Variants in EPS15 observed in about 807,000 individuals in gnomAD.
The protein encoded by EPS15 is epidermal growth factor receptor substrate 15.
Under a neutral mutation model 113.8 loss-of-function variants are expected in EPS15, and 72 were observed. The ratio of observed to expected loss-of-function variants is 0.63; its 90% CI spans 0.52 to 0.77. The LOEUF (loss-of-function observed/expected upper bound fraction) is 0.77. EPS15 is among the 30% of genes least tolerant of loss of function. The pLI, the probability that EPS15 is intolerant of heterozygous loss-of-function variation, is 0.00. For missense variants in EPS15, 1,048 were observed against 1,045.8 expected, an observed-to-expected ratio of 1.00 and a Z score of -0.03; for synonymous variants, 344 against 363.4, an observed-to-expected ratio of 0.95 and a Z score of 0.61.
At chr1:51,517,588 A>T (rs1570470461) in intron 1 of EPS15, among the ~76,000 whole-genome samples, 2 of 152,348 alleles carry the variant, frequency 1.3e-5, no homozygotes, top group Admixed American at 1.3e-4. Flanking sequence ...GCCAACAGGG[A>T]TCTTGTTTAA....
intron 12 of EPS15, among the ~76,000 whole-genome samples, chr1:51,426,584 G>A (rs546722352): frequency 6.6e-6 from 1 of 151,040 alleles, no homozygotes; most frequent in East Asian, 1.9e-4. Context: ...CATTTAAATC[G>A]GTAGGCTTGA....
chr1:51,381,349 T>C (rs567701147), intron 21 of EPS15, among the ~76,000 whole-genome samples: 2 of 152,250 alleles, frequency 1.3e-5, no homozygotes, highest in South Asian at 2.1e-4. Flanking sequence ...TCCCAACACT[T>C]TGGGAGGCCG....
intron 1 of EPS15, among the ~76,000 whole-genome samples, chr1:51,513,598 C>T (rs1644664410): frequency 6.6e-6 from 1 of 152,158 alleles, no homozygotes; most frequent in African/African-American, 2.4e-5. Flanking sequence ...GAAGACTTCA[C>T]TAGCATTGTA....
intron 5 of EPS15, 90 bp downstream of exon 5, chr1:51,468,383 T>C: frequency 1.0e-6 from 1 of 962,166 alleles, no homozygotes; most frequent in Admixed American, 1.9e-5. Context: ...AAAGGGAGAA[T>C]TCCTTTTAAT....
Position 51,445,002 on chromosome 1 carries a change from G to A in EPS15, c.841C>T (p.Gln281Ter). 6.2e-7 allele frequency: 1 copy of A among 1,613,934 alleles called. No homozygotes were observed. The highest frequency in any genetic ancestry group is 8.5e-7 in the Non-Finnish European group (1 of 1,179,888). Residue 281 changes from glutamine to a stop codon, truncating the protein, a stop_gained, in exon 11 of 25, where the codon CAG (glutamine) becomes TAG (stop). Coordinates refer to ENST00000371733, the MANE Select transcript of EPS15 (RefSeq NM_001981.3). LOFTEE classifies it high-confidence loss of function. ...TKDCGKLSKD[Q>*]FALAFHLISQ... ...ATTAAGTGAAAAGCCAAGGCAAACTGATCCTTTGAAAGCTTCCCACAGTCC... is the reference window on the plus strand; with the variant it reads ...ATTAAGTGAAAAGCCAAGGCAAACTAATCCTTTGAAAGCTTCCCACAGTCC...
intron 1 of EPS15, among the ~76,000 whole-genome samples, chr1:51,508,447 C>A (rs1265809758): frequency 6.6e-6 from 1 of 151,986 alleles, no homozygotes; most frequent in African/African-American, 2.4e-5. Flanking sequence ...ACAAGCAATT[C>A]TATTTATCAA....
intron 14 of EPS15, among the ~76,000 whole-genome samples, chr1:51,409,093 A>G (rs1399633398): frequency 6.6e-6 from 1 of 151,870 alleles, no homozygotes; most frequent in Non-Finnish European, 1.5e-5. Flanking sequence ...ACCAGCTTTC[A>G]TATTTTTTGT....
chr1:51,492,247 C>T (rs1305345055), intron 1 of EPS15, among the ~76,000 whole-genome samples: 1 of 152,120 alleles, frequency 6.6e-6, no homozygotes, highest in Admixed American at 6.5e-5. Context: ...GGGCTCCTGC[C>T]TTCAAGGGCT....
intron 1 of EPS15, among the ~76,000 whole-genome samples, chr1:51,485,737 G>A (rs370866939): frequency 6.6e-5 from 10 of 152,272 alleles, no homozygotes; most frequent in African/African-American, 1.9e-4. Flanking sequence ...AGTTCAAATA[G>A]TACACGAGAT....
Position 51,364,029 on chromosome 1 carries a change from C to T in EPS15, c.2197-1G>A. On this transcript the variant is annotated splice_acceptor_variant, in intron 22 of 24. Coordinates refer to ENST00000371733, the MANE Select transcript of EPS15 (RefSeq NM_001981.3). LOFTEE classifies it high-confidence loss of function. ...AACGAAAAGGATCTTCATTGTTGAC[C>T]TTTGTTTAAAAAGAAATGGTTATAC... The T allele has an allele frequency of 6.2e-7, 1 of 1,606,392 alleles. No homozygotes were observed.
chr1:51,403,054 G>C (rs1214049874), intron 17 of EPS15, among the ~76,000 whole-genome samples: 2 of 152,082 alleles, frequency 1.3e-5, no homozygotes. Context: ...GAGGAAAACA[G>C]TGATAAGGAC....
intron 21 of EPS15, chr1:51,372,510 A>G: frequency 1.9e-6 from 1 of 532,408 alleles, no homozygotes; most frequent in Admixed American, 1.9e-5. Context: ...TGGAATGTTT[A>G]AGAAAATTAA....
At chr1:51,377,718 T>C (rs1467350135) in intron 21 of EPS15, among the ~76,000 whole-genome samples, 1 of 152,110 alleles carries the variant, frequency 6.6e-6, no homozygotes, top group Non-Finnish European at 1.5e-5. Context: ...AAAGAAATCG[T>C]ACAGGAAAGG....
chr1:51,367,653 T>G (rs919117687), intron 21 of EPS15, among the ~76,000 whole-genome samples: 1 of 152,208 alleles, frequency 6.6e-6, no homozygotes, highest in Non-Finnish European at 1.5e-5. Context: ...CATTTTCAGC[T>G]GGAATGAATG....
chr1:51,419,527 G>C (rs572828317), intron 13 of EPS15, among the ~76,000 whole-genome samples: 10 of 152,104 alleles, frequency 6.6e-5, no homozygotes, highest in African/African-American at 2.4e-4. Context: ...AGCCAAGTGC[G>C]GCAGGTACTG....
chr1:51,391,593 G>A (rs980730457), intron 21 of EPS15, among the ~76,000 whole-genome samples: 4 of 152,130 alleles, frequency 2.6e-5, no homozygotes, highest in African/African-American at 7.2e-5. Flanking sequence ...AAAGAACATG[G>A]GTCTGTTGTT....
At chr1:51,436,102 C>T (rs1652132126) in intron 12 of EPS15, among the ~76,000 whole-genome samples, 2 of 152,160 alleles carry the variant, frequency 1.3e-5, no homozygotes, top group Admixed American at 1.3e-4. Context: ...AGAGCAAACA[C>T]ACTGTATCTG....
rs566220774 is a variant in EPS15 at position 51,398,085 on chromosome 1, G to A, written c.2052+947C>T. Among the ~76,000 whole-genome samples, 6 of 145,362 alleles carry A rather than the reference G, an allele frequency of 4.1e-5. No homozygotes were observed. In the Middle Eastern group the frequency reaches 0.015, roughly 359 times the overall value. ...TTTTTTTTTTTTGAGACGGAGTCTC[G>A]CTCTGTCACCCAGGCTGGAGTGCAG... On this transcript the variant is annotated intron_variant, in intron 20 of 24. Coordinates refer to ENST00000371733, the MANE Select transcript of EPS15 (RefSeq NM_001981.3).
At chr1:51,368,577 T>C (rs1164477438) in intron 21 of EPS15, among the ~76,000 whole-genome samples, 1 of 151,652 alleles carries the variant, frequency 6.6e-6, no homozygotes, top group Non-Finnish European at 1.5e-5. Flanking sequence ...GTCCTTTTCC[T>C]GTTATTTTTC....
Sources: allele counts gnomAD v4.1 joint callset (sites outside exome capture counted in the v4.1 genomes callset), GRCh38; gene constraint gnomAD v4.1.1; transcripts MANE v1.5; gene names NCBI Gene and HGNC (gene_info 2026-07-23, HGNC 2026-07-21).